The following PLEKHA3 variants were observed in gnomAD, a reference collection of about 807,000 sequenced individuals.
PLEKHA3 encodes the protein pleckstrin homology domain-containing family A member 3.
Under a neutral mutation model 39.2 loss-of-function variants are expected in PLEKHA3, and 19 were observed. The observed-to-expected ratio is 0.48, with a 90% CI of 0.34 to 0.71. The LOEUF is 0.71. Among genes scored for constraint, PLEKHA3 ranks in the 30% least tolerant of loss-of-function variants. PLEKHA3 has a pLI of 0.01. For synonymous variants in PLEKHA3, 97 were observed against 118.6 expected (o/e 0.82, Z 1.18); for missense variants, 253 against 359.5 (o/e 0.70, Z 2.40).
At position 178,507,036 on chromosome 2, in the gene PLEKHA3, A is replaced by G. The variant is rs991109998; in HGVS notation, c.*3149A>G. The G allele has an allele frequency of 6.6e-6, 1 of 152,184 alleles. No individual in the cohort carries two copies. The highest frequency in any genetic ancestry group is 2.4e-5 in the African/African-American group (1 of 41,452). The allele number at this position is 152,184 out of a possible 1,614,324, so 9.4% of individuals were successfully genotyped here. A position where few individuals can be genotyped will look rare whatever the true frequency, so the allele number is the denominator to read the frequency against. On this transcript the variant is annotated 3_prime_UTR_variant, in exon 8 of 8. Transcript: ENST00000234453. The stretch of plus-strand genomic sequence containing the variant: ...AAAATCAAATAGAACTAAAAGGTTT[A>G]TAGTGAAAAAGTGTAGTTCCCTCTT...
At chr2:178,503,481 A>G (rs574028347) in intron 7 of PLEKHA3, among the ~76,000 whole-genome samples, 6 of 152,086 alleles carry the variant, frequency 3.9e-5, no homozygotes, top group East Asian at 3.9e-4. Flanking sequence ...TTGACTACCT[A>G]TTATGTGCCA....
Position 178,503,875 on chromosome 2 carries a change from C to G in PLEKHA3, c.891C>G (p.Ser297=). 1 of 1,611,362 alleles carries G rather than the reference C, an allele frequency of 6.2e-7. No homozygotes were observed. The highest frequency in any genetic ancestry group is 8.5e-7 in the Non-Finnish European group (1 of 1,177,984). The change falls in exon 8 of 8, where the codon TCC becomes TCG. Residue 297 remains serine (S), a synonymous_variant. Transcript: ENST00000234453. ...CTGAATCAGAAGATACTCTTCCATC[C>G]TTCTCTTCCTGAAGAAACTGAAGTG... ...KQSESEDTLP[S]FSS
intron 7 of PLEKHA3, among the ~76,000 whole-genome samples, chr2:178,502,792 T>TCACA (rs777323160): frequency 5.5e-5 from 8 of 144,596 alleles, no homozygotes; most frequent in African/African-American, 8.2e-5. Flanking sequence ...AAAACTAGTC[T>TCACA]CACACACACA....
chr2:178,502,368 G>T, intron 7 of PLEKHA3: 1 of 428,474 alleles, frequency 2.3e-6, no homozygotes, highest in Non-Finnish European at 4.7e-6. Flanking sequence ...AAGAAACCGG[G>T]AAGGGGAAGG....
intron 7 of PLEKHA3, chr2:178,502,324 A>G (rs1279184198): frequency 2.5e-6 from 1 of 402,274 alleles, no homozygotes; most frequent in African/African-American, 2.3e-5. Flanking sequence ...AACATTTTGA[A>G]TTTAAATTGA....
intron 5 of PLEKHA3, among the ~76,000 whole-genome samples, chr2:178,498,360 A>T (rs1685478510): frequency 6.6e-6 from 1 of 152,222 alleles, no homozygotes; most frequent in Non-Finnish European, 1.5e-5. Flanking sequence ...TTCTCAGAGC[A>T]ACTAGTGGCT....
intron 4 of PLEKHA3, among the ~76,000 whole-genome samples, 156 bp downstream of exon 4, chr2:178,494,145 C>T (rs1324822646): frequency 6.6e-6 from 1 of 152,174 alleles, no homozygotes; most frequent in Non-Finnish European, 1.5e-5. Context: ...TCTGTAGCAT[C>T]TTCTCGATTG....
intron 5 of PLEKHA3, 47 bp downstream of exon 5, chr2:178,495,707 T>C (rs1685431003): frequency 5.2e-6 from 8 of 1,540,184 alleles, no homozygotes; most frequent in Non-Finnish European, 4.4e-6. Context: ...TAATGTTGCA[T>C]GTGGTTTTCG....
intron 7 of PLEKHA3, among the ~76,000 whole-genome samples, chr2:178,503,484 A>G (rs1030526056): frequency 1.3e-5 from 2 of 151,986 alleles, no homozygotes; most frequent in Admixed American, 6.6e-5. Flanking sequence ...ACTACCTATT[A>G]TGTGCCAACC....
Position 178,507,410 on chromosome 2 carries a change from C to G in PLEKHA3, c.*3523C>G, listed in dbSNP as rs1575148804. 6.6e-6 allele frequency: 1 copy of G among 152,160 alleles called. No homozygotes were observed. Among genetic ancestry groups the G allele is most frequent in the East Asian group, 1.9e-4 (1 of 5,190 alleles). The allele number at this position is 152,160 out of a possible 1,614,324, so 9.4% of individuals were successfully genotyped here. A position where few individuals can be genotyped will look rare whatever the true frequency, so the allele number is the denominator to read the frequency against. On this transcript the variant is annotated 3_prime_UTR_variant, in exon 8 of 8. Transcript: ENST00000234453. ...GTTATTTTTTCTGGGGTTGGTATTGCCTGATTTTCAAATTTGCTTAGTTTT... is the reference window on the plus strand; with the variant it reads ...GTTATTTTTTCTGGGGTTGGTATTGGCTGATTTTCAAATTTGCTTAGTTTT...
chr2:178,509,156 A>G lies in PLEKHA3; in HGVS notation c.*5269A>G, dbSNP rs568476629. On this transcript the variant is annotated 3_prime_UTR_variant, in exon 8 of 8. Coordinates refer to ENST00000234453, the MANE Select transcript of PLEKHA3 (RefSeq NM_019091.4). The stretch of plus-strand genomic sequence containing the variant: ...CGTCTGTGCTTTTTTGTGGATTAAT[A>G]CTATTTATATTCCTTTAATATCTTT... 1 of 152,514 alleles carries G rather than the reference A, an allele frequency of 6.6e-6. No individual in the cohort carries two copies. The highest frequency in any genetic ancestry group is 2.4e-5 in the African/African-American group (1 of 41,558). 9.4% of individuals were successfully genotyped at this position (152,514 alleles called of 1,614,324 possible).
In PLEKHA3 at chr2:178,495,547, A is replaced by G; in HGVS notation, c.502A>G (p.Thr168Ala). ...LLSATCNTFI[T>A]TLEECVKIAN... Reference sequence around the variant, plus strand: ...TAGTGCCACGTGTAACACATTCATCACAACGCTTGAGGAATGTGTGAAGAT... The same window carrying G: ...TAGTGCCACGTGTAACACATTCATCGCAACGCTTGAGGAATGTGTGAAGAT... The change falls in exon 5 of 8, where the codon ACA becomes GCA. Residue 168 changes from threonine to alanine, a missense_variant. Physicochemically the swap from Thr to Ala is moderately conservative, Grantham distance 58 (BLOSUM62 0). Around this residue, in one of 2 missense-constraint regions of PLEKHA3, gnomAD observed 126 missense variants for 222.7 expected, o/e 0.57. Coordinates refer to ENST00000234453, the MANE Select transcript of PLEKHA3 (RefSeq NM_019091.4). 6.2e-7 allele frequency: 1 copy of G among 1,614,170 alleles called. No homozygotes were observed. Among genetic ancestry groups the G allele is most frequent in the East Asian group, 2.2e-5 (1 of 44,882 alleles).
rs988789317 is a variant in PLEKHA3, at chr2:178,501,839, T to C, written c.775+663T>C. Among the ~76,000 whole-genome samples the C allele has an allele frequency of 1.1e-4, 16 of 152,040 alleles. No homozygotes were observed. The East Asian group carries it at 2.9e-3, about 27-fold the overall frequency. On this transcript the variant is annotated intron_variant, in intron 7 of 7. Coordinates refer to ENST00000234453, the MANE Select transcript of PLEKHA3 (RefSeq NM_019091.4). Reference sequence around the variant, plus strand: ...TATTACATCTCCATTAATAGACTTATACTCTCCAAGTCTCTACTATTTCTC... The same window carrying C: ...TATTACATCTCCATTAATAGACTTACACTCTCCAAGTCTCTACTATTTCTC...
At chr2:178,499,846 A>G (rs1685501524) in intron 6 of PLEKHA3, among the ~76,000 whole-genome samples, 1 of 152,174 alleles carries the variant, frequency 6.6e-6, no homozygotes. Context: ...CATCCTTGTC[A>G]TTAAGAGACG....
intron 5 of PLEKHA3, among the ~76,000 whole-genome samples, chr2:178,497,294 A>G (rs762259470): frequency 2.1e-4 from 32 of 151,856 alleles, no homozygotes; most frequent in African/African-American, 6.5e-4. Context: ...GCAGTGGCGC[A>G]ATCTCAGCTC....
At chr2:178,490,351 T>C (rs922630665) in intron 2 of PLEKHA3, among the ~76,000 whole-genome samples, 11 of 152,214 alleles carry the variant, frequency 7.2e-5, no homozygotes, top group African/African-American at 2.2e-4. Context: ...ATTGCAGTTG[T>C]ATTTAATAGG....
chr2:178,495,306 T>C (rs896953338), intron 4 of PLEKHA3, among the ~76,000 whole-genome samples, 190 bp from the exon 5 acceptor site: 1 of 152,186 alleles, frequency 6.6e-6, no homozygotes, highest in African/African-American at 2.4e-5. Context: ...TTCTTATACA[T>C]AGATGTTTTA....
At position 178,498,622 on chromosome 2, in the gene PLEKHA3, A is replaced by G. The variant is rs1198120201; in HGVS notation, c.616-589A>G. Among the ~76,000 whole-genome samples, 6 of 152,180 alleles carry G rather than the reference A, an allele frequency of 3.9e-5. No homozygotes were observed. The East Asian group carries it at 9.6e-4, about 24-fold the overall frequency. On this transcript the variant is annotated intron_variant, in intron 5 of 7. Transcript: ENST00000234453. ...TTTTAAATGTTCTGCTTAATTAGGT[A>G]TTCTTTATTTTTTTAAATATATGTT...
rs1460271421 is a variant in PLEKHA3, at chr2:178,506,549, A to T, written c.*2662A>T. 1.3e-5 allele frequency: 2 copies of T among 152,166 alleles called. No homozygotes were observed. The highest frequency in any genetic ancestry group is 4.8e-5 in the African/African-American group (2 of 41,446). 9.4% of individuals were successfully genotyped at this position (152,166 alleles called of 1,614,324 possible). A position where few individuals can be genotyped will look rare whatever the true frequency, so the allele number is the denominator to read the frequency against. ...AGATGCCCTAGAACCTTTGACCTTG[A>T]ATTGTAGTTTTTCAGTATGTATTAT... On this transcript the variant is annotated 3_prime_UTR_variant, in exon 8 of 8. Coordinates refer to ENST00000234453, the MANE Select transcript of PLEKHA3 (RefSeq NM_019091.4).
Sources: gnomAD v4.1 joint callset for allele counts (sites outside exome capture counted in the v4.1 genomes callset) on GRCh38, gnomAD v4.1.1 for gene constraint, gnomAD v4.1.1 regional missense constraint, MANE v1.5 for transcripts, NCBI Gene and HGNC (gene_info 2026-07-23, HGNC 2026-07-21) for gene names.